ERBB3: variants seen among roughly 807,000 people sequenced by gnomAD.
ERBB3 encodes the protein receptor tyrosine-protein kinase erbB-3.
Under a neutral mutation model 156.7 loss-of-function variants are expected in ERBB3, and 96 were observed. That is an observed-to-expected ratio of 0.61 (90% CI 0.52 to 0.73). The LOEUF (loss-of-function observed/expected upper bound fraction) is 0.73, where lower values mean the gene tolerates loss of function less well. ERBB3 is among the 30% of genes least tolerant of loss of function. The pLI, the probability that ERBB3 is intolerant of heterozygous loss-of-function variation, is 0.00. For synonymous variants in ERBB3, 567 were observed against 632.0 expected (o/e 0.90, Z 1.54); for missense variants, 1,406 against 1,709.4 (o/e 0.82, Z 3.13).
At chr12:56,085,314 G>T in intron 3 of ERBB3, 133 bp downstream of exon 3, 2 of 1,561,792 alleles carry the variant, frequency 1.3e-6, no homozygotes, top group Non-Finnish European at 1.7e-6. Context: ...GCTGTCTAAA[G>T]GTCCATTGCT....
Position 56,101,143 on chromosome 12 carries a change from A to T in ERBB3, c.3284A>T (p.Glu1095Val). The change falls in exon 27 of 28, where the codon GAG (glutamate) becomes GTG (valine). Residue 1095 changes from glutamate to valine, a missense_variant. This residue lies in a region of ERBB3 where 415 missense variants were observed against 454.1 expected (regional missense o/e 0.91). Transcript: ENST00000267101. ...HPMPRGCLAS[E>V]SSEGHVTGSE... ...ATGCCACGGGGATGCCTGGCATCAG[A>T]GTCATCAGAGGGGCATGTAACAGGC... 6.2e-7 allele frequency: 1 copy of T among 1,613,864 alleles called. No individual in the cohort carries two copies. Among genetic ancestry groups the T allele is most frequent in the Non-Finnish European group, 8.5e-7 (1 of 1,179,982 alleles).
chr12:56,100,348 G>C (rs1869048532), intron 26 of ERBB3, 103 bp downstream of exon 26: 1 of 1,032,902 alleles, frequency 9.7e-7, no homozygotes, highest in Admixed American at 1.7e-5. Flanking sequence ...CTGCAAAAAA[G>C]AAGGCAGTGA....
Position 56,101,743 on chromosome 12 carries a change from G to C in ERBB3, c.3717G>C (p.Gln1239His), listed in dbSNP as rs1447415185. Residue 1239 changes from glutamine (Q) to histidine (H), a missense_variant, in exon 28 of 28, where the codon CAG becomes CAC. Around this residue, in one of 3 missense-constraint regions of ERBB3, gnomAD observed 415 missense variants for 454.1 expected, o/e 0.91. Coordinates refer to ENST00000267101, the MANE Select transcript of ERBB3 (RefSeq NM_001982.4). ...TCAGTGCCTCTCTGGGCAGCACACA[G>C]AGTTGCCCACTCCACCCTGTACCCA... ...SDLSASLGST[Q>H]SCPLHPVPIM... 5.6e-6 allele frequency: 9 copies of C among 1,613,722 alleles called. No homozygotes were observed. The highest frequency in any genetic ancestry group is 7.6e-6 in the Non-Finnish European group (9 of 1,179,964).
At chr12:56,082,636 C>T (rs1401046475) in intron 1 of ERBB3, among the ~76,000 whole-genome samples, 1 of 152,118 alleles carries the variant, frequency 6.6e-6, no homozygotes, top group Admixed American at 6.5e-5. Flanking sequence ...TATCTACCCC[C>T]TACTCCCCAC....
At position 56,101,319 on chromosome 12, in the gene ERBB3, G is replaced by A; in HGVS notation, c.3460G>A (p.Glu1154Lys). The A allele has an allele frequency of 6.2e-7, 1 of 1,614,224 alleles. No individual in the cohort carries two copies. Among genetic ancestry groups the A allele is most frequent in the Non-Finnish European group, 8.5e-7 (1 of 1,180,028 alleles). ...TPLSPPGLEE[E>K]DVNGYVMPDT... ...ACTCTCCCCACCCGGGTTAGAGGAAGAGGATGTCAACGGTTATGTCATGCC... is the reference window on the plus strand; with the variant it reads ...ACTCTCCCCACCCGGGTTAGAGGAAAAGGATGTCAACGGTTATGTCATGCC... The change falls in exon 27 of 28, where the codon GAG (glutamate) becomes AAG (lysine). Residue 1154 changes from glutamate (E) to lysine (K), a missense_variant. Coordinates refer to ENST00000267101, the MANE Select transcript of ERBB3 (RefSeq NM_001982.4).
chr12:56,094,052 G>T (rs766389874), intron 13 of ERBB3, 47 bp from the exon 14 acceptor site: 5 of 1,577,104 alleles, frequency 3.2e-6, no homozygotes, highest in Non-Finnish European at 4.4e-6. Context: ...GAGCATGAAG[G>T]TCAGGACTTG....
At chr12:56,081,542 G>T (rs1471771429) in intron 1 of ERBB3, among the ~76,000 whole-genome samples, 3 of 152,182 alleles carry the variant, frequency 2.0e-5, no homozygotes, top group Non-Finnish European at 4.4e-5. Flanking sequence ...AGCTGGTGGA[G>T]GGGGGTGGTC....
intron 17 of ERBB3, 60 bp from the exon 18 acceptor site, chr12:56,096,443 G>T (rs912137986): frequency 3.7e-6 from 6 of 1,610,366 alleles, no homozygotes; most frequent in Non-Finnish European, 5.1e-6. Flanking sequence ...ATGAGGAGCG[G>T]GTTGGAGTGG....
chr12:56,088,951 G>A (rs2136799552), intron 9 of ERBB3, 83 bp downstream of exon 9: 1 of 1,552,608 alleles, frequency 6.4e-7, no homozygotes, highest in Non-Finnish European at 8.9e-7. Context: ...TTTCCTATGT[G>A]GAGCTGACTA....
At chr12:56,087,475 T>C in intron 4 of ERBB3, 102 bp from the exon 5 acceptor site, 1 of 1,026,304 alleles carries the variant, frequency 9.7e-7, no homozygotes, top group Non-Finnish European at 1.6e-6. Flanking sequence ...GCTTTTTGCT[T>C]CCCGGGATTG....
Position 56,102,684 on chromosome 12 carries a change from G to T in ERBB3, c.*629G>T, listed in dbSNP as rs556562151. On this transcript the variant is annotated 3_prime_UTR_variant, in exon 28 of 28. Transcript: ENST00000267101. The stretch of plus-strand genomic sequence containing the variant: ...ACATATTATCTCATTTTACACAAAG[G>T]GAAGTCGGGCATGGTGGCTCATGCC... 5 of 229,940 alleles carry T rather than the reference G, an allele frequency of 2.2e-5. No homozygotes were observed. The South Asian group carries it at 5.5e-4, about 25-fold the overall frequency. The allele number at this position is 229,940 out of a possible 1,614,324, so 14.2% of individuals were successfully genotyped here.
rs768352400 is a variant in ERBB3 at position 56,097,808 on chromosome 12, T to C, written c.2484T>C (p.His828=). 20 of 1,613,878 alleles carry C rather than the reference T, an allele frequency of 1.2e-5. No individual in the cohort carries two copies. The East Asian group carries it at 4.5e-4, about 36-fold the overall frequency. ...IAKGMYYLEE[H]GMVHRNLAAR... ...AGGGAATGTACTACCTTGAGGAACA[T>C]GGTATGGTGCATAGAAACCTGGCTG... Residue 828 remains histidine, a synonymous_variant, in exon 21 of 28, where the codon CAT becomes CAC. Transcript: ENST00000267101.
chr12:56,102,439 G>A lies in ERBB3; in HGVS notation c.*384G>A. 1 of 267,860 alleles carries A rather than the reference G, an allele frequency of 3.7e-6. No homozygotes were observed. Among genetic ancestry groups the A allele is most frequent in the Non-Finnish European group, 7.2e-6 (1 of 139,000 alleles). 16.6% of individuals were successfully genotyped at this position (267,860 alleles called of 1,614,324 possible). A position where few individuals can be genotyped will look rare whatever the true frequency, so the allele number is the denominator to read the frequency against. On this transcript the variant is annotated 3_prime_UTR_variant, in exon 28 of 28. Coordinates refer to ENST00000267101, the MANE Select transcript of ERBB3 (RefSeq NM_001982.4). The stretch of plus-strand genomic sequence containing the variant: ...TTGTTTCCCATCAGACTGTCAAGAA[G>A]AGGAAAGGGAGGAAACCTAGCAGAG...
intron 9 of ERBB3, among the ~76,000 whole-genome samples, chr12:56,090,431 G>A (rs1868641416): frequency 6.6e-6 from 1 of 151,994 alleles, no homozygotes; most frequent in Non-Finnish European, 1.5e-5. Context: ...GGATCACGAG[G>A]TCAAGAGATT....
rs764329013 is a variant in ERBB3, at chr12:56,088,737, T to TA, written c.989-10dup. ...CAGACCACCCCCACTGAACCTCTCT[T>TA]ACATTTGCAGCCTGTGAGGGAACAG... On this transcript the variant is annotated splice_polypyrimidine_tract_variant and intron_variant, in intron 8 of 27. Coordinates refer to ENST00000267101, the MANE Select transcript of ERBB3 (RefSeq NM_001982.4). 6.2e-7 allele frequency: 1 copy of TA among 1,614,098 alleles called. No individual in the cohort carries two copies. Among genetic ancestry groups the TA allele is most frequent in the South Asian group, 1.1e-5 (1 of 91,066 alleles).
At chr12:56,080,683 A>G (rs1474348859) in intron 1 of ERBB3, among the ~76,000 whole-genome samples, 1 of 152,086 alleles carries the variant, frequency 6.6e-6, no homozygotes, top group East Asian at 1.9e-4. Flanking sequence ...CCCTGCAGGG[A>G]GGGGAGCAGG....
At chr12:56,093,998 T>G (rs1264546996) in intron 13 of ERBB3, 101 bp from the exon 14 acceptor site, 2 of 1,574,276 alleles carry the variant, frequency 1.3e-6, no homozygotes, top group Non-Finnish European at 1.7e-6. Flanking sequence ...TTTCTGCATG[T>G]GCCTTGGTGG....
intron 9 of ERBB3, among the ~76,000 whole-genome samples, chr12:56,090,601 G>A (rs889006026): frequency 1.3e-5 from 2 of 151,872 alleles, no homozygotes; most frequent in African/African-American, 2.4e-5. Flanking sequence ...CCGAGATCGC[G>A]GCACTGCACT....
intron 3 of ERBB3, among the ~76,000 whole-genome samples, chr12:56,086,257 G>T (rs1422269399): frequency 6.6e-6 from 1 of 151,996 alleles, no homozygotes; most frequent in East Asian, 1.9e-4. Context: ...CTTGGGGGAG[G>T]GAATGTTGAG....
Sources: gnomAD v4.1 joint callset for allele counts (sites outside exome capture counted in the v4.1 genomes callset) on GRCh38, gnomAD v4.1.1 for gene constraint, gnomAD v4.1.1 regional missense constraint, MANE v1.5 for transcripts, NCBI Gene and HGNC (gene_info 2026-07-23, HGNC 2026-07-21) for gene names.